Variants in CRPPA observed in about 807,000 individuals in gnomAD.
CRPPA encodes CDP-L-ribitol pyrophosphorylase A.
CRPPA carries 43 observed loss-of-function variants against 52.0 expected under a neutral mutation model. That is an observed-to-expected ratio of 0.83 (90% CI 0.65 to 1.07). The LOEUF is 1.07. Among genes scored for constraint, CRPPA ranks in the 50% least tolerant of loss-of-function variants. The pLI, the probability that CRPPA is intolerant of heterozygous loss-of-function variation, is 0.00. For synonymous variants in CRPPA, 250 were observed against 203.5 expected (o/e 1.23, Z -1.94); for missense variants, 629 against 551.7 (o/e 1.14, Z -1.40).
intron 9 of CRPPA, among the ~76,000 whole-genome samples, chr7:16,119,424 C>G (rs1324725792): frequency 6.6e-6 from 1 of 150,812 alleles, no homozygotes; most frequent in African/African-American, 2.4e-5. Flanking sequence ...CCTTAAACAG[C>G]TAAGAAATAA....
intron 5 of CRPPA, among the ~76,000 whole-genome samples, chr7:16,283,889 T>C (rs1420448664): frequency 2.0e-5 from 3 of 152,060 alleles, no homozygotes; most frequent in Non-Finnish European, 4.4e-5. Context: ...AGATATAGGA[T>C]ACTTGATAGG....
chr7:16,223,889 T>G (rs1782582983), intron 8 of CRPPA, among the ~76,000 whole-genome samples: 1 of 152,110 alleles, frequency 6.6e-6, no homozygotes, highest in Non-Finnish European at 1.5e-5. Context: ...GATTTTTTTT[T>G]GTCTTTTTGT....
chr7:16,397,147 G>C (rs1303215672), intron 2 of CRPPA, among the ~76,000 whole-genome samples: 1 of 152,260 alleles, frequency 6.6e-6, no homozygotes, highest in African/African-American at 2.4e-5. Context: ...ATGCGTGTCT[G>C]ACACATTAGC....
At chr7:16,176,223 A>C (rs955658642) in intron 9 of CRPPA, among the ~76,000 whole-genome samples, 1 of 152,220 alleles carries the variant, frequency 6.6e-6, no homozygotes, top group Non-Finnish European at 1.5e-5. Flanking sequence ...CATTAAAATA[A>C]CAAAATATTT....
chr7:16,339,140 C>T (rs1030765934), intron 3 of CRPPA, among the ~76,000 whole-genome samples: 1 of 152,078 alleles, frequency 6.6e-6, no homozygotes, highest in Non-Finnish European at 1.5e-5. Flanking sequence ...TATACCAATT[C>T]TCTACAATCT....
At chr7:16,099,296 A>G (rs1323918172) in intron 9 of CRPPA, among the ~76,000 whole-genome samples, 1 of 150,176 alleles carries the variant, frequency 6.7e-6, no homozygotes, top group Non-Finnish European at 1.5e-5. Flanking sequence ...AAAAGGAAAG[A>G]AAAAAAGGAA....
rs375774559 is a variant in CRPPA, at chr7:16,095,667, A to G, written c.1252-3868T>C. On this transcript the variant is annotated intron_variant, in intron 9 of 9. Transcript: ENST00000407010. ...CATTCTCCCCAGCTGTCATGCTGAG[A>G]GCTTTTTTCCAATCTACAAAGAAGA... Among the ~76,000 whole-genome samples, 9 of 152,272 alleles carry G rather than the reference A, an allele frequency of 5.9e-5. No homozygotes were observed. In the East Asian group the frequency reaches 7.7e-4, roughly 13 times the overall value.
intron 5 of CRPPA, among the ~76,000 whole-genome samples, chr7:16,296,032 T>A (rs1406570362): frequency 6.6e-6 from 1 of 152,158 alleles, no homozygotes; most frequent in Non-Finnish European, 1.5e-5. Flanking sequence ...TGACGAATAC[T>A]TTTTTATACA....
At chr7:16,322,483 C>G (rs116698250) in intron 3 of CRPPA, among the ~76,000 whole-genome samples, 3,504 of 152,222 alleles carry the variant, frequency 0.023, 121 homozygotes, top group African/African-American at 0.08. Context: ...AAACAGAACT[C>G]TAATCTCCCA....
At chr7:16,113,678 C>T (rs1007112759) in intron 9 of CRPPA, among the ~76,000 whole-genome samples, 3 of 147,942 alleles carry the variant, frequency 2.0e-5, no homozygotes, top group Non-Finnish European at 3.0e-5. Context: ...AAAACTACAC[C>T]CCCCTCAACA....
chr7:16,242,823 T>C (rs1183897363), intron 8 of CRPPA, among the ~76,000 whole-genome samples: 1 of 152,174 alleles, frequency 6.6e-6, no homozygotes, highest in Non-Finnish European at 1.5e-5. Context: ...TAAGATGTGG[T>C]GTTATCAGGC....
At chr7:16,419,333 C>G (rs575749511) in intron 1 of CRPPA, among the ~76,000 whole-genome samples, 6 of 152,356 alleles carry the variant, frequency 3.9e-5, no homozygotes, top group African/African-American at 1.4e-4. Context: ...CTAACTAACT[C>G]CATCTTGCTT....
At chr7:16,216,819 A>G (rs1381520271) in intron 8 of CRPPA, among the ~76,000 whole-genome samples, 1 of 152,192 alleles carries the variant, frequency 6.6e-6, no homozygotes, top group Non-Finnish European at 1.5e-5. Context: ...GATTGCTAGC[A>G]CAGCAGTCTG....
chr7:16,393,587 G>A (rs1787495474), intron 2 of CRPPA, among the ~76,000 whole-genome samples: 1 of 152,048 alleles, frequency 6.6e-6, no homozygotes, highest in African/African-American at 2.4e-5. Context: ...TCCAGAAAGA[G>A]ATATCCATGT....
intron 8 of CRPPA, among the ~76,000 whole-genome samples, chr7:16,222,458 GAAAA>G (rs1040489593): frequency 2.0e-5 from 3 of 147,012 alleles, no homozygotes; most frequent in Non-Finnish European, 3.0e-5. Context: ...AAAAAAAAAA[GAAAA>G]AAAGAAAAAC....
At chr7:16,327,694 A>G (rs955515958) in intron 3 of CRPPA, among the ~76,000 whole-genome samples, 2 of 151,976 alleles carry the variant, frequency 1.3e-5, no homozygotes, top group African/African-American at 2.4e-5. Context: ...ATATTCCTAC[A>G]TTCATACATT....
chr7:16,195,391 T>A, intron 9 of CRPPA, among the ~76,000 whole-genome samples: 1 of 152,110 alleles, frequency 6.6e-6, no homozygotes, highest in Admixed American at 6.6e-5. Flanking sequence ...CCTCTCTTCC[T>A]CACACCACTG....
intron 3 of CRPPA, among the ~76,000 whole-genome samples, chr7:16,368,749 A>G (rs779774519): frequency 9.2e-5 from 14 of 152,198 alleles, no homozygotes; most frequent in Non-Finnish European, 1.6e-4. Context: ...ATTGATCTCT[A>G]GAAATAAAGG....
At chr7:16,322,583 A>T (rs1785286047) in intron 3 of CRPPA, among the ~76,000 whole-genome samples, 1 of 152,204 alleles carries the variant, frequency 6.6e-6, no homozygotes, top group Non-Finnish European at 1.5e-5. Context: ...GAAGCAGAGA[A>T]CTGGGACTTA....
Sources: allele counts gnomAD v4.1 joint callset (sites outside exome capture counted in the v4.1 genomes callset), GRCh38; gene constraint gnomAD v4.1.1; transcripts MANE v1.5; gene names NCBI Gene and HGNC (gene_info 2026-07-23, HGNC 2026-07-21).